Variants in ARHGEF3 observed in about 807,000 individuals in gnomAD.
ARHGEF3 encodes the protein 59.8 kDA protein.
ARHGEF3 carries 28 observed loss-of-function variants against 63.2 expected under a neutral mutation model. The ratio of observed to expected loss-of-function variants is 0.44; its 90% CI spans 0.33 to 0.61. ARHGEF3 has a LOEUF of 0.61. Among genes scored for constraint, ARHGEF3 ranks in the 20% least tolerant of loss-of-function variants. The pLI, the probability that ARHGEF3 is intolerant of heterozygous loss-of-function variation, is 0.03. For synonymous variants in ARHGEF3, 266 were observed against 254.2 expected (o/e 1.05, Z -0.44); for missense variants, 533 against 659.3 (o/e 0.81, Z 2.10).
chr3:56,755,642 T>C (rs1178894982), intron 2 of ARHGEF3, among the ~76,000 whole-genome samples: 1 of 152,174 alleles, frequency 6.6e-6, no homozygotes, highest in Non-Finnish European at 1.5e-5. Context: ...ACCTGACCAA[T>C]AGAGTATTCC....
chr3:56,816,236 A>G (rs1055716829), intron 4 of ARHGEF3, among the ~76,000 whole-genome samples: 11 of 152,006 alleles, frequency 7.2e-5, no homozygotes, highest in Non-Finnish European at 1.3e-4. Context: ...ACAAAAATAC[A>G]CATCTAGATG....
At position 56,917,455 on chromosome 3, in the gene ARHGEF3, A is replaced by G. The variant is rs141217474; in HGVS notation, c.130-35101T>C. Among the ~76,000 whole-genome samples, 68 of 152,328 alleles carry G rather than the reference A, an allele frequency of 4.5e-4. No homozygotes were observed. In the East Asian group the frequency reaches 0.011, roughly 25 times the overall value. ...AGAGCCTTCCTCTGTCTCAAGCCTG[A>G]GTAAAGTCTGGGGACCCAGCAAAGA... is the stretch of plus-strand genomic sequence containing the variant. On this transcript the variant is annotated intron_variant, in intron 3 of 12. Coordinates refer to the ARHGEF3 transcript ENST00000338458.
intron 4 of ARHGEF3, among the ~76,000 whole-genome samples, chr3:56,839,315 T>C (rs999703811): frequency 6.6e-6 from 1 of 152,190 alleles, no homozygotes; most frequent in Non-Finnish European, 1.5e-5. Flanking sequence ...TGACATTAGT[T>C]TTTTTAACGT....
intron 1 of ARHGEF3, among the ~76,000 whole-genome samples, chr3:56,792,113 A>AAAAAAAAAAAAGAAAAG (rs55899473): frequency 9.3e-5 from 13 of 139,982 alleles, no homozygotes; most frequent in Non-Finnish European, 1.8e-4. Context: ...CAAAAAAAAA[A>AAAAAAAAAAAAGAAAAG]AAAAGAAAAG....
intron 3 of ARHGEF3, among the ~76,000 whole-genome samples, chr3:56,913,694 G>A (rs970797617): frequency 2.6e-5 from 4 of 152,200 alleles, no homozygotes; most frequent in African/African-American, 9.6e-5. Context: ...TGGCAGGAAT[G>A]TAAACTAGTA....
At chr3:57,068,999 G>A (rs990967207) in intron 1 of ARHGEF3, among the ~76,000 whole-genome samples, 3 of 148,300 alleles carry the variant, frequency 2.0e-5, no homozygotes, top group African/African-American at 5.0e-5. Context: ...TTGGCTCACC[G>A]TAACCTCTGC....
chr3:57,017,028 T>TCA (rs1553806952), intron 2 of ARHGEF3, among the ~76,000 whole-genome samples: 4 of 127,518 alleles, frequency 3.1e-5, no homozygotes, highest in East Asian at 4.9e-4. Flanking sequence ...TCTCTCTCTC[T>TCA]CTCTCACACA....
At chr3:56,833,663 C>T (rs137992268) in intron 4 of ARHGEF3, among the ~76,000 whole-genome samples, 8 of 152,304 alleles carry the variant, frequency 5.3e-5, no homozygotes, top group Admixed American at 2.6e-4. Context: ...TCCCTATACA[C>T]GCCTCCTTCT....
intron 7 of ARHGEF3, among the ~76,000 whole-genome samples, chr3:56,739,402 T>C (rs1324490089): frequency 2.0e-5 from 3 of 150,398 alleles, no homozygotes; most frequent in South Asian, 2.1e-4. Context: ...TTTCCTTTTT[T>C]TTTTTTTTTT....
intron 3 of ARHGEF3, among the ~76,000 whole-genome samples, chr3:56,912,409 C>T (rs757042842): frequency 1.3e-5 from 2 of 152,162 alleles, no homozygotes; most frequent in Admixed American, 6.5e-5. Context: ...CTGGGAAGGA[C>T]CCCACATTAA....
intron 1 of ARHGEF3, among the ~76,000 whole-genome samples, chr3:57,072,850 GC>G (rs960476042): frequency 2.0e-5 from 3 of 152,070 alleles, no homozygotes; most frequent in Non-Finnish European, 2.9e-5. Context: ...TTCAAGACCA[GC>G]CTGGCCAAGA....
Position 57,075,718 on chromosome 3 carries a change from G to A in ARHGEF3, c.-28+3508C>T, listed in dbSNP as rs543413468. Among the ~76,000 whole-genome samples, 230 of 152,284 alleles carry A rather than the reference G, an allele frequency of 1.5e-3. 1 individual carries two copies. Among genetic ancestry groups the A allele is most frequent in the Middle Eastern group, 3.4e-3 (1 of 294 alleles). ...CCAGTTACTCAGGAGGCTGAGGTGG[G>A]AGGATTGCTTGAGCCTGAGAGGCAG... On this transcript the variant is annotated intron_variant, in intron 1 of 12. Coordinates refer to the ARHGEF3 transcript ENST00000338458.
intron 1 of ARHGEF3, among the ~76,000 whole-genome samples, chr3:56,795,873 C>T (rs775547252): frequency 1.3e-5 from 2 of 151,658 alleles, no homozygotes; most frequent in African/African-American, 2.4e-5. Context: ...CCCCTGACCT[C>T]GTGATCCGAC....
intron 3 of ARHGEF3, among the ~76,000 whole-genome samples, chr3:56,926,076 G>T (rs1341694399): frequency 6.6e-6 from 1 of 152,198 alleles, no homozygotes; most frequent in Non-Finnish European, 1.5e-5. Flanking sequence ...TGCTCAACCT[G>T]CTGGTTCCCA....
chr3:56,759,366 G>A (rs905598164), intron 2 of ARHGEF3, among the ~76,000 whole-genome samples: 1 of 151,890 alleles, frequency 6.6e-6, no homozygotes, highest in Non-Finnish European at 1.5e-5. Flanking sequence ...TTTTAGTAGA[G>A]ATGGGGTTTC....
intron 3 of ARHGEF3, among the ~76,000 whole-genome samples, chr3:56,918,456 C>T (rs914225689): frequency 3.3e-5 from 5 of 152,208 alleles, no homozygotes; most frequent in African/African-American, 4.8e-5. Flanking sequence ...AACTGAAACC[C>T]GTGGGCTGCA....
chr3:56,754,879 G>T, intron 3 of ARHGEF3, 102 bp downstream of exon 3: 1 of 1,463,306 alleles, frequency 6.8e-7, no homozygotes, highest in Non-Finnish European at 9.4e-7. Flanking sequence ...CAAACGCAAT[G>T]AAGAATTGAT....
chr3:56,925,833 G>T (rs2108379079), intron 3 of ARHGEF3, among the ~76,000 whole-genome samples: 1 of 152,312 alleles, frequency 6.6e-6, no homozygotes, highest in Non-Finnish European at 1.5e-5. Flanking sequence ...CCACAGGACA[G>T]CCTGGCTCTC....
intron 7 of ARHGEF3, among the ~76,000 whole-genome samples, chr3:56,741,515 T>TC (rs1407099636): frequency 1.5e-5 from 2 of 132,954 alleles, no homozygotes; most frequent in East Asian, 4.4e-4. Flanking sequence ...TTTTTTTTTT[T>TC]TTTTTTTTGA....
Sources: gnomAD v4.1 joint callset for allele counts (sites outside exome capture counted in the v4.1 genomes callset) on GRCh38, gnomAD v4.1.1 for gene constraint, MANE v1.5 for transcripts, NCBI Gene and HGNC (gene_info 2026-07-23, HGNC 2026-07-21) for gene names.